The following OPCML variants were observed in gnomAD, a reference collection of about 807,000 sequenced individuals.
The protein encoded by OPCML is opioid-binding protein/cell adhesion molecule.
In OPCML, 13 loss-of-function variants were observed where a neutral mutation model predicts 37.8. That is an observed-to-expected ratio of 0.34 (90% CI 0.22 to 0.55). The LOEUF is 0.55. OPCML is among the 20% of genes least tolerant of loss of function. OPCML has a pLI of 0.91. For missense variants in OPCML, 341 were observed against 435.6 expected, an observed-to-expected ratio of 0.78 and a Z score of 1.93; for synonymous variants, 176 against 168.8, an observed-to-expected ratio of 1.04 and a Z score of -0.33.
At chr11:132,778,392 T>C (rs955637968) in intron 2 of OPCML, among the ~76,000 whole-genome samples, 14 of 152,196 alleles carry the variant, frequency 9.2e-5, no homozygotes, top group African/African-American at 3.4e-4. Flanking sequence ...TACATGGCAG[T>C]TGGTACGATA....
chr11:132,858,589 CG>C (rs141283579), intron 2 of OPCML, among the ~76,000 whole-genome samples: 2 of 152,110 alleles, frequency 1.3e-5, no homozygotes, highest in African/African-American at 2.4e-5. Context: ...CCTTTCTTCC[CG>C]GGGGGTGAGG....
At chr11:132,883,437 T>C (rs1042995638) in intron 2 of OPCML, among the ~76,000 whole-genome samples, 8 of 152,270 alleles carry the variant, frequency 5.3e-5, no homozygotes, top group African/African-American at 1.9e-4. Context: ...TGTAGAAGGC[T>C]GTTAGAGAGC....
chr11:132,561,046 C>T (rs1233868147), intron 3 of OPCML, among the ~76,000 whole-genome samples: 1 of 152,144 alleles, frequency 6.6e-6, no homozygotes, highest in Non-Finnish European at 1.5e-5. Flanking sequence ...GTTGTGGTTC[C>T]AGGCCCTTCT....
chr11:132,819,966 C>T (rs1310579304), intron 2 of OPCML, among the ~76,000 whole-genome samples: 1 of 152,164 alleles, frequency 6.6e-6, no homozygotes, highest in Non-Finnish European at 1.5e-5. Flanking sequence ...GCTCTGAATG[C>T]TTCTATTCCT....
chr11:132,956,474 C>T (rs1450146378), intron 1 of OPCML, among the ~76,000 whole-genome samples: 1 of 152,224 alleles, frequency 6.6e-6, no homozygotes, highest in African/African-American at 2.4e-5. Flanking sequence ...CAGGGTCTCT[C>T]ATATGCTCTT....
At chr11:132,496,548 G>A (rs1003342854) in intron 4 of OPCML, among the ~76,000 whole-genome samples, 2 of 152,214 alleles carry the variant, frequency 1.3e-5, no homozygotes, top group African/African-American at 4.8e-5. Context: ...TGCCACTCTG[G>A]GCTTGGTCAG....
intron 2 of OPCML, among the ~76,000 whole-genome samples, chr11:132,693,286 A>C (rs1156909086): frequency 6.6e-6 from 1 of 152,214 alleles, no homozygotes; most frequent in Non-Finnish European, 1.5e-5. Context: ...TTGTTACCTC[A>C]TAAAACCCCC....
intron 1 of OPCML, among the ~76,000 whole-genome samples, chr11:133,266,534 C>T (rs1941664324): frequency 6.6e-6 from 1 of 152,164 alleles, no homozygotes; most frequent in South Asian, 2.1e-4. Flanking sequence ...TTGGTATTTC[C>T]CACTAAAGTG....
At chr11:133,004,083 G>A (rs1947061500) in intron 1 of OPCML, 7 of 985,406 alleles carry the variant, frequency 7.1e-6, no homozygotes, top group Non-Finnish European at 8.4e-6. Flanking sequence ...AGCAGGGGCT[G>A]GCAGCTGTGT....
chr11:133,124,054 T>G (rs1949460822), intron 1 of OPCML, among the ~76,000 whole-genome samples: 1 of 151,912 alleles, frequency 6.6e-6, no homozygotes. Flanking sequence ...GAAAATGGTG[T>G]TATCTATGCT....
At chr11:133,412,735 A>T (rs1945676360) in intron 1 of OPCML, among the ~76,000 whole-genome samples, 1 of 152,174 alleles carries the variant, frequency 6.6e-6, no homozygotes, top group South Asian at 2.1e-4. Flanking sequence ...TTTGAAAAGG[A>T]AAGTGGTAAA....
At chr11:132,783,583 T>G (rs1242703807) in intron 2 of OPCML, among the ~76,000 whole-genome samples, 3 of 152,176 alleles carry the variant, frequency 2.0e-5, no homozygotes, top group African/African-American at 7.2e-5. Context: ...GGAACACACT[T>G]CAACCACACA....
intron 2 of OPCML, among the ~76,000 whole-genome samples, chr11:132,692,146 C>A (rs1943427652): frequency 6.6e-6 from 1 of 151,856 alleles, no homozygotes; most frequent in Non-Finnish European, 1.5e-5. Context: ...GCAATGTTAG[C>A]AGACCTGAAA....
At chr11:132,688,956 CAAAAAAAAAAAAA>C (rs749705629) in intron 2 of OPCML, among the ~76,000 whole-genome samples, 1 of 14,446 alleles carries the variant, frequency 6.9e-5, no homozygotes, top group Non-Finnish European at 1.2e-4. Context: ...GACTCCGTCT[CAAAAAAAAAAAAA>C]AAAAAAAAAA....
At chr11:132,550,634 A>T (rs1343004989) in intron 3 of OPCML, among the ~76,000 whole-genome samples, 1 of 152,212 alleles carries the variant, frequency 6.6e-6, no homozygotes, top group African/African-American at 2.4e-5. Context: ...AGAATGGCCT[A>T]AGAGGGCATC....
chr11:133,144,035 T>G (rs1949862663), intron 1 of OPCML, among the ~76,000 whole-genome samples: 1 of 152,232 alleles, frequency 6.6e-6, no homozygotes, highest in African/African-American at 2.4e-5. Flanking sequence ...GAGGTGCCAC[T>G]TAGGGTCTGC....
intron 1 of OPCML, among the ~76,000 whole-genome samples, chr11:132,944,293 G>A (rs1362794213): frequency 6.6e-6 from 1 of 152,164 alleles, no homozygotes; most frequent in Admixed American, 6.5e-5. Flanking sequence ...CGATGCCAGC[G>A]CAGAAGTTGA....
chr11:133,013,198 A>G (rs1211586689), intron 1 of OPCML, among the ~76,000 whole-genome samples: 1 of 152,372 alleles, frequency 6.6e-6, no homozygotes, highest in Non-Finnish European at 1.5e-5. Flanking sequence ...AGAAAAAGGC[A>G]GTTCATTTTT....
chr11:132,467,721 T>C (rs2096124130), intron 4 of OPCML, among the ~76,000 whole-genome samples: 1 of 152,188 alleles, frequency 6.6e-6, no homozygotes. Flanking sequence ...AAGGGGTTTC[T>C]GGGTCAGAAG....
Sources: allele counts gnomAD v4.1 joint callset (sites outside exome capture counted in the v4.1 genomes callset), GRCh38; gene constraint gnomAD v4.1.1; transcripts MANE v1.5; gene names NCBI Gene and HGNC (gene_info 2026-07-23, HGNC 2026-07-21).